Variants in PIK3R3 observed in about 807,000 individuals in gnomAD.
The protein encoded by PIK3R3 is phosphoinositide-3-kinase regulatory subunit 3, also known as phosphatidylinositol 3-kinase regulatory subunit gamma.
In PIK3R3, 64 loss-of-function variants were observed where a neutral mutation model predicts 62.9. The ratio of observed to expected loss-of-function variants is 1.02; its 90% CI spans 0.83 to 1.25. PIK3R3 has a LOEUF of 1.25. Ranked by LOEUF, PIK3R3 falls within the 50% of genes most tolerant of loss-of-function variation. PIK3R3 has a pLI of 0.00. For missense variants in PIK3R3, 614 were observed against 561.6 expected (o/e 1.09, Z -0.94); for synonymous variants, 165 against 189.0 (o/e 0.87, Z 1.04).
chr1:46,090,613 G>A (rs1341555083), intron 1 of PIK3R3, among the ~76,000 whole-genome samples: 7 of 152,068 alleles, frequency 4.6e-5, no homozygotes, highest in South Asian at 2.1e-4. Flanking sequence ...GATTACAGGC[G>A]TGAGCCACCA....
chr1:46,047,341 G>A (rs1033471405), intron 7 of PIK3R3, among the ~76,000 whole-genome samples: 2 of 151,816 alleles, frequency 1.3e-5, no homozygotes, highest in African/African-American at 2.4e-5. Flanking sequence ...GGGAGGCTGA[G>A]GCAGGAGAAT....
intron 3 of PIK3R3, among the ~76,000 whole-genome samples, chr1:46,073,389 G>A (rs1649726940): frequency 6.6e-6 from 1 of 152,172 alleles, no homozygotes; most frequent in Non-Finnish European, 1.5e-5. Context: ...GGATGATGGG[G>A]TTCTCCTCAC....
At chr1:46,047,448 A>AAAAAAAAAG (rs1553143013) in intron 7 of PIK3R3, among the ~76,000 whole-genome samples, 3 of 141,770 alleles carry the variant, frequency 2.1e-5, no homozygotes, top group African/African-American at 5.3e-5. Flanking sequence ...AAAAAAAAAA[A>AAAAAAAAAG]AAAGAAAGAA....
intron 1 of PIK3R3, among the ~76,000 whole-genome samples, chr1:46,101,594 G>A (rs1457204732): frequency 1.3e-5 from 2 of 152,078 alleles, no homozygotes; most frequent in Non-Finnish European, 2.9e-5. Context: ...TGTACAATGC[G>A]GTATTATTCA....
chr1:46,063,196 T>C (rs1410580713), intron 5 of PIK3R3, among the ~76,000 whole-genome samples: 1 of 152,180 alleles, frequency 6.6e-6, no homozygotes, highest in Non-Finnish European at 1.5e-5. Context: ...AGCTAGGTCT[T>C]AAAGAACTGA....
At chr1:46,111,639 T>C (rs926824143) in intron 1 of PIK3R3, among the ~76,000 whole-genome samples, 2 of 152,030 alleles carry the variant, frequency 1.3e-5, no homozygotes, top group African/African-American at 4.8e-5. Flanking sequence ...GGCATGAGAA[T>C]TGCTTGAACC....
chr1:46,129,241 G>C (rs1047011259), intron 1 of PIK3R3, among the ~76,000 whole-genome samples: 1 of 152,058 alleles, frequency 6.6e-6, no homozygotes, highest in South Asian at 2.1e-4. Flanking sequence ...TGAGTGAAAG[G>C]CATCCCAGGA....
At chr1:46,062,094 A>G in intron 5 of PIK3R3, 23 bp from the exon 6 acceptor site, 1 of 1,570,566 alleles carries the variant, frequency 6.4e-7, no homozygotes, top group South Asian at 1.2e-5. Context: ...AAAAGAAAAA[A>G]CACAGGCTTC....
At chr1:46,062,110 CTTTA>C in intron 5 of PIK3R3, 39 bp from the exon 6 acceptor site, 2 of 1,550,022 alleles carry the variant, frequency 1.3e-6, no homozygotes, top group Non-Finnish European at 1.7e-6. Flanking sequence ...GCTTCATTAT[CTTTA>C]TTATTTTCTT....
In PIK3R3 at chr1:46,104,638, T is replaced by G. The variant is rs534050572; in HGVS notation, c.107-23888A>C. On this transcript the variant is annotated intron_variant, in intron 1 of 9. Coordinates refer to ENST00000262741, the MANE Select transcript of PIK3R3 (RefSeq NM_003629.4). ...TCACAATGTTTCCCTTGGTTGAAAA[T>G]GCACTAATGGCCAGGCACAGTGGCG... Among the ~76,000 whole-genome samples the G allele has an allele frequency of 3.9e-5, 6 of 152,092 alleles. No homozygotes were observed. In the East Asian group the frequency reaches 1.2e-3, roughly 29 times the overall value.
chr1:46,053,882 A>G (rs1647611549), intron 7 of PIK3R3, among the ~76,000 whole-genome samples: 1 of 152,092 alleles, frequency 6.6e-6, no homozygotes, highest in Non-Finnish European at 1.5e-5. Flanking sequence ...GCCTTTCTTC[A>G]GCTTCATGAT....
chr1:46,131,749 C>T, intron 1 of PIK3R3, 98 bp downstream of exon 1: 1 of 1,154,930 alleles, frequency 8.7e-7, no homozygotes, highest in Non-Finnish European at 1.3e-6. Flanking sequence ...CCGAACCTAG[C>T]GCACCCAGGA....
At chr1:46,076,012 T>A (rs545373286) in intron 3 of PIK3R3, among the ~76,000 whole-genome samples, 17 of 152,240 alleles carry the variant, frequency 1.1e-4, no homozygotes, top group Non-Finnish European at 2.2e-4. Flanking sequence ...AGAGATAAAA[T>A]TTTTTTCTTT....
intron 1 of PIK3R3, among the ~76,000 whole-genome samples, chr1:46,109,625 A>G (rs2149452418): frequency 6.6e-6 from 1 of 152,106 alleles, no homozygotes; most frequent in East Asian, 1.9e-4. Context: ...CTGGGATTAC[A>G]GGCGCCCGCC....
intron 7 of PIK3R3, among the ~76,000 whole-genome samples, chr1:46,048,917 A>T (rs942063601): frequency 2.0e-5 from 3 of 152,132 alleles, no homozygotes; most frequent in Non-Finnish European, 4.4e-5. Flanking sequence ...AAAAACCTCA[A>T]ATAGCTTTAG....
At chr1:46,118,554 C>CTTTTT (rs1291550266) in intron 1 of PIK3R3, among the ~76,000 whole-genome samples, 3 of 132,224 alleles carry the variant, frequency 2.3e-5, no homozygotes, top group Non-Finnish European at 1.6e-5. Context: ...CATTACTTGT[C>CTTTTT]TTTTTTTTTT....
the PIK3R3 span, among the ~76,000 whole-genome samples, chr1:46,151,869 T>C: frequency 6.6e-6 from 1 of 152,230 alleles, no homozygotes; most frequent in Non-Finnish European, 1.5e-5. Context: ...CCTCAATTGA[T>C]TGAGTTTTCT....
Position 46,043,669 on chromosome 1 carries a change from CTCTTTA to C in PIK3R3, c.1384_*3del. 6.2e-7 allele frequency: 1 copy of C among 1,613,842 alleles called. No homozygotes were observed. The highest frequency in any genetic ancestry group is 8.5e-7 in the Non-Finnish European group (1 of 1,179,724). ...AGAGAACCACCTCTCTTCCCACTTC[CTCTTTA>C]TCTGCAAAGCGAGGGCATCTGTGCA... On this transcript the variant is annotated stop_lost and 3_prime_UTR_variant, in exon 10 of 10. Transcript: ENST00000262741.
At chr1:46,139,920 G>T in the PIK3R3 span, among the ~76,000 whole-genome samples, 1 of 152,182 alleles carries the variant, frequency 6.6e-6, no homozygotes, top group Non-Finnish European at 1.5e-5. Flanking sequence ...TTTCTGCTGA[G>T]TTTCCCAGGA....
Sources: gnomAD v4.1 joint callset for allele counts (sites outside exome capture counted in the v4.1 genomes callset) on GRCh38, gnomAD v4.1.1 for gene constraint, MANE v1.5 for transcripts, NCBI Gene and HGNC (gene_info 2026-07-23, HGNC 2026-07-21) for gene names.